Variants in GLDN observed in about 807,000 individuals in gnomAD.
The protein encoded by GLDN is gliomedin.
Under a neutral mutation model 56.5 loss-of-function variants are expected in GLDN, and 47 were observed. The observed-to-expected ratio is 0.83, with a 90% CI of 0.66 to 1.06. The LOEUF is 1.06. GLDN is among the 50% of genes least tolerant of loss of function. The pLI, the probability that GLDN is intolerant of heterozygous loss-of-function variation, is 0.00. For synonymous variants in GLDN, 332 were observed against 278.8 expected (o/e 1.19, Z -1.90); for missense variants, 782 against 714.3 (o/e 1.09, Z -1.08).
chr15:51,398,911 G>A lies in GLDN; in HGVS notation c.818-1281G>A, dbSNP rs925678488. On this transcript the variant is annotated intron_variant, in intron 6 of 9. Coordinates refer to ENST00000335449, the MANE Select transcript of GLDN (RefSeq NM_181789.4). Reference sequence around the variant, plus strand: ...CCAGTGACGGCCCTTGTCTGGAGAAGCAGTCTCCTGGGCTTAGCCTAATCT... The same window carrying A: ...CCAGTGACGGCCCTTGTCTGGAGAAACAGTCTCCTGGGCTTAGCCTAATCT... Among the ~76,000 whole-genome samples the A allele has an allele frequency of 6.6e-5, 10 of 152,218 alleles. 1 individual carries two copies. Among genetic ancestry groups the A allele is most frequent in the Admixed American group, 5.9e-4 (9 of 15,288 alleles).
At chr15:51,389,458 G>C (rs1331287187) in intron 4 of GLDN, among the ~76,000 whole-genome samples, 1 of 152,184 alleles carries the variant, frequency 6.6e-6, no homozygotes, top group African/African-American at 2.4e-5. Context: ...CTGGTTGGAA[G>C]ACTGCTCTAT....
chr15:51,400,156 C>A (rs1298794511), intron 6 of GLDN, 36 bp from the exon 7 acceptor site: 2 of 1,583,012 alleles, frequency 1.3e-6, no homozygotes. Flanking sequence ...ACTGTGCCAA[C>A]CGTATCGGCT....
intron 8 of GLDN, among the ~76,000 whole-genome samples, chr15:51,401,261 C>T (rs532983011): frequency 3.8e-4 from 58 of 152,332 alleles, no homozygotes; most frequent in South Asian, 6.2e-4. Flanking sequence ...ATTGCCCAAG[C>T]GCCAAGTATC....
chr15:51,392,488 T>C (rs979091285), intron 4 of GLDN, among the ~76,000 whole-genome samples: 6 of 152,228 alleles, frequency 3.9e-5, no homozygotes, highest in South Asian at 2.1e-4. Context: ...TTCTACATTA[T>C]GGTGAGTTGT....
At chr15:51,349,898 C>T (rs1477399371) in intron 1 of GLDN, among the ~76,000 whole-genome samples, 1 of 152,106 alleles carries the variant, frequency 6.6e-6, no homozygotes, top group African/African-American at 2.4e-5. Flanking sequence ...TGCCACCATG[C>T]CCAGCTAATT....
In GLDN at chr15:51,400,449, G is replaced by T. The variant is rs1566952217; in HGVS notation, c.978G>T (p.Glu326Asp). The T allele has an allele frequency of 6.2e-7, 1 of 1,614,214 alleles. No individual in the cohort carries two copies. Among genetic ancestry groups the T allele is most frequent in the South Asian group, 1.1e-5 (1 of 91,074 alleles). ...VTETFGTWIR[E>D]SANKSDDRIW... ...AGACATTTGGGACTTGGATAAGAGA[G>T]TCTGCTAACAAGAGTGATGACCGGA... Residue 326 changes from glutamate (E) to aspartate (D), a missense_variant, in exon 8 of 10, where the codon GAG becomes GAT. Physicochemically the swap from Glu to Asp is conservative, Grantham distance 45. Coordinates refer to ENST00000335449, the MANE Select transcript of GLDN (RefSeq NM_181789.4).
intron 1 of GLDN, among the ~76,000 whole-genome samples, chr15:51,370,985 A>C (rs1284048792): frequency 6.6e-6 from 1 of 151,474 alleles, no homozygotes; most frequent in Non-Finnish European, 1.5e-5. Context: ...ACAGAGTGAG[A>C]CTCCATCTCA....
intron 1 of GLDN, among the ~76,000 whole-genome samples, chr15:51,376,391 C>T (rs1221476955): frequency 6.6e-6 from 1 of 152,196 alleles, no homozygotes. Flanking sequence ...GTATAGGACA[C>T]TTACCATGAA....
chr15:51,385,453 TC>T (rs1421641852), intron 4 of GLDN: 4 of 151,150 alleles, frequency 2.6e-5, no homozygotes, highest in African/African-American at 9.9e-5. Context: ...CAGGTACCAT[TC>T]TAGATGCTGG....
At chr15:51,402,175 C>T (rs1251853790) in intron 9 of GLDN, among the ~76,000 whole-genome samples, 1 of 152,168 alleles carries the variant, frequency 6.6e-6, no homozygotes, top group African/African-American at 2.4e-5. Flanking sequence ...GGGAATGAAC[C>T]CCTAGTCAAG....
chr15:51,394,457 A>T (rs1179252648), intron 4 of GLDN, among the ~76,000 whole-genome samples: 5 of 152,176 alleles, frequency 3.3e-5, no homozygotes, highest in Non-Finnish European at 5.9e-5. Context: ...TATTTAAAAT[A>T]CAAAAATTAG....
chr15:51,357,470 G>A (rs749267298), intron 1 of GLDN, among the ~76,000 whole-genome samples: 24 of 152,256 alleles, frequency 1.6e-4, no homozygotes, highest in Middle Eastern at 6.8e-3. Flanking sequence ...AGGAAGACAC[G>A]AGGCACCTGT....
chr15:51,362,190 C>T (rs1346888338), intron 1 of GLDN, among the ~76,000 whole-genome samples: 1 of 152,030 alleles, frequency 6.6e-6, no homozygotes, highest in Non-Finnish European at 1.5e-5. Context: ...AGAGTAATAA[C>T]AAAGGAGGTC....
chr15:51,403,555 T>C (rs192798475), intron 9 of GLDN, among the ~76,000 whole-genome samples: 3 of 152,260 alleles, frequency 2.0e-5, no homozygotes, highest in Admixed American at 6.5e-5. Context: ...CAATACAGCC[T>C]AGAGTTGGAA....
chr15:51,408,607 C>T (rs1305024318), downstream of GLDN, among the ~76,000 whole-genome samples: 2 of 152,058 alleles, frequency 1.3e-5, no homozygotes, highest in African/African-American at 4.8e-5. Flanking sequence ...CGTATGTATA[C>T]ATGTGCCATG....
chr15:51,367,210 GA>G (rs1234564207), intron 1 of GLDN, among the ~76,000 whole-genome samples: 2 of 152,196 alleles, frequency 1.3e-5, no homozygotes, highest in Non-Finnish European at 2.9e-5. Context: ...CCTGGTGGGG[GA>G]AATCCTCCTT....
At chr15:51,410,143 C>G (rs2141147515), downstream of GLDN, among the ~76,000 whole-genome samples, 1 of 152,294 alleles carries the variant, frequency 6.6e-6, no homozygotes, top group Admixed American at 6.5e-5. Context: ...TGTGGTGTCT[C>G]CTGGGCAATC....
At position 51,397,498 on chromosome 15, in the gene GLDN, T is replaced by TCCACCTGGG. The variant is rs766826604; in HGVS notation, c.720_728dup (p.Pro252_Gly254dup). On this transcript the variant is annotated inframe_insertion, in exon 6 of 10. Transcript: ENST00000335449. The stretch of plus-strand genomic sequence containing the variant: ...CCAAAGGTGACCAAGGCCCACCCGG[T>TCCACCTGGG]CCACCTGGGCCCCCAGGCCCTCCAG... The TCCACCTGGG allele has an allele frequency of 5.8e-6, 9 of 1,564,724 alleles. No homozygotes were observed. The African/African-American group carries it at 1.2e-4, about 22-fold the overall frequency.
intron 4 of GLDN, 23 bp from the exon 5 acceptor site, chr15:51,394,812 A>AT (rs1376609635): frequency 6.2e-7 from 1 of 1,613,552 alleles, no homozygotes; most frequent in African/African-American, 1.3e-5. Context: ...ATAGGCTAAT[A>AT]TGTCTTTTGT....
Sources: gnomAD v4.1 joint callset for allele counts (sites outside exome capture counted in the v4.1 genomes callset) on GRCh38, gnomAD v4.1.1 for gene constraint, MANE v1.5 for transcripts, NCBI Gene and HGNC (gene_info 2026-07-23, HGNC 2026-07-21) for gene names.